Variants in CCT4 observed in about 807,000 individuals in gnomAD.
CCT4 encodes chaperonin containing TCP1 subunit 4.
In CCT4, 17 loss-of-function variants were observed where a neutral mutation model predicts 62.5. The ratio of observed to expected loss-of-function variants is 0.27; its 90% confidence interval spans 0.19 to 0.41. The LOEUF is 0.41. Among genes scored for constraint, CCT4 ranks in the 10% least tolerant of loss-of-function variants. The pLI, the probability that CCT4 is intolerant of heterozygous loss-of-function variation, is 1.00. For missense variants in CCT4, 592 were observed against 659.2 expected (o/e 0.90, Z 1.12); for synonymous variants, 250 against 229.9 (o/e 1.09, Z -0.79).
intron 1 of CCT4, among the ~76,000 whole-genome samples, chr2:61,887,160 A>C (rs1320138969): frequency 1.3e-5 from 2 of 152,196 alleles, no homozygotes; most frequent in Non-Finnish European, 2.9e-5. Context: ...CAGGTGTATT[A>C]TCTCCTAAAC....
chr2:61,872,452 CA>C lies in CCT4; in HGVS notation c.1256+5del. On this transcript the variant is annotated splice_donor_5th_base_variant and intron_variant, in intron 11 of 13. Transcript: ENST00000394440. ...ATGTTACTTAATAATGTAACACTGA[CA>C]TTACCTCTTCTTCACTAAACAACGA... The C allele has an allele frequency of 6.2e-7, 1 of 1,608,052 alleles. No individual in the cohort carries two copies. The highest frequency in any genetic ancestry group is 1.1e-5 in the South Asian group (1 of 90,098).
chr2:61,873,148 T>G, intron 9 of CCT4, 36 bp from the exon 10 acceptor site: 4 of 1,469,988 alleles, frequency 2.7e-6, no homozygotes, highest in Non-Finnish European at 3.8e-6. Context: ...ATTAAGACAT[T>G]TATCTAATTA....
chr2:61,879,079 A>G lies in CCT4; in HGVS notation c.380-68T>C, dbSNP rs955549466. 1.4e-5 allele frequency: 17 copies of G among 1,211,704 alleles called. No homozygotes were observed. The Admixed American group carries it at 2.0e-4, about 14-fold the overall frequency. The allele number at this position is 1,211,704 out of a possible 1,614,324, so 75.1% of individuals were successfully genotyped here. On this transcript the variant is annotated intron_variant, in intron 4 of 13. Coordinates refer to ENST00000394440, the MANE Select transcript of CCT4 (RefSeq NM_006430.4). The stretch of plus-strand genomic sequence containing the variant: ...ACTACACATTTGACATGGCTTAAAA[A>G]TTTTCTACTCAATGTCAAAGCAAGC...
intron 3 of CCT4, among the ~76,000 whole-genome samples, chr2:61,881,965 C>A (rs1182669707): frequency 6.7e-6 from 1 of 148,626 alleles, no homozygotes; most frequent in Non-Finnish European, 1.5e-5. Flanking sequence ...CGGAGTCTTA[C>A]TCTGTCACCC....
intron 10 of CCT4, 48 bp from the exon 11 acceptor site, chr2:61,872,636 C>T: frequency 6.2e-7 from 1 of 1,605,232 alleles, no homozygotes. Flanking sequence ...TCAAAAAAAC[C>T]CCACACCCAG....
At chr2:61,878,514 A>G (rs980479745) in intron 5 of CCT4, among the ~76,000 whole-genome samples, 2 of 152,350 alleles carry the variant, frequency 1.3e-5, no homozygotes, top group African/African-American at 4.8e-5. Context: ...TGCCCACCAT[A>G]TTAAATATTC....
intron 12 of CCT4, 131 bp downstream of exon 12, chr2:61,871,951 A>G: frequency 4.8e-6 from 3 of 625,128 alleles, no homozygotes; most frequent in Non-Finnish European, 8.2e-6. Context: ...ATTAATTAAC[A>G]TGCAGCAGGC....
intron 3 of CCT4, among the ~76,000 whole-genome samples, chr2:61,880,810 ATCC>A (rs1461381541): frequency 1.3e-5 from 2 of 152,058 alleles, no homozygotes; most frequent in Non-Finnish European, 2.9e-5. Flanking sequence ...GGCTCAAGAG[ATCC>A]TCCTGTCTCA....
At chr2:61,869,801 T>C (rs1668846896) in intron 12 of CCT4, among the ~76,000 whole-genome samples, 1 of 151,714 alleles carries the variant, frequency 6.6e-6, no homozygotes, top group Admixed American at 6.6e-5. Flanking sequence ...GCCCGGCTAA[T>C]TTTTTGTATT....
At chr2:61,871,577 C>A (rs1668884882) in intron 12 of CCT4, among the ~76,000 whole-genome samples, 1 of 152,212 alleles carries the variant, frequency 6.6e-6, no homozygotes, top group Admixed American at 6.5e-5. Flanking sequence ...TAAAGTTGGA[C>A]TGTCAGTTCT....
chr2:61,882,089 C>G (rs145715770), intron 3 of CCT4, among the ~76,000 whole-genome samples: 2 of 151,942 alleles, frequency 1.3e-5, no homozygotes, highest in African/African-American at 4.8e-5. Flanking sequence ...TGCACCACCA[C>G]GCCCAGCTGA....
Position 61,883,476 on chromosome 2 carries a change from G to T in CCT4, c.253C>A (p.His85Asn). ...ATILKQMQVL[H>N]PAARMLVELS... ...ACACTTACCATTCTGGCTGCTGGAT[G>T]TAATACTTGCATTTGTTTCAGAATG... The change falls in exon 3 of 14, where the codon CAT (histidine) becomes AAT (asparagine). Residue 85 changes from histidine (H) to asparagine (N), a missense_variant. Physicochemically the swap from His to Asn is moderately conservative, Grantham distance 68 (BLOSUM62 1). Coordinates refer to ENST00000394440, the MANE Select transcript of CCT4 (RefSeq NM_006430.4). 4 of 1,508,558 alleles carry T rather than the reference G, an allele frequency of 2.7e-6. No homozygotes were observed. Among genetic ancestry groups the T allele is most frequent in the Non-Finnish European group, 3.7e-6 (4 of 1,093,776 alleles). 93.4% of individuals were successfully genotyped at this position (1,508,558 alleles called of 1,614,324 possible).
At chr2:61,885,179 C>G in intron 1 of CCT4, 107 bp from the exon 2 acceptor site, 2 of 694,224 alleles carry the variant, frequency 2.9e-6, no homozygotes, top group Non-Finnish European at 4.4e-6. Context: ...TGGGCTCAAG[C>G]AACCCTCCCA....
rs570376593 is a variant in CCT4, at chr2:61,888,238, A to C, written c.127+143T>G. The C allele has an allele frequency of 5.9e-5, 57 of 972,610 alleles. No individual in the cohort carries two copies. In the Admixed American group the frequency reaches 1.3e-3, roughly 22 times the overall value. 60.2% of individuals were successfully genotyped at this position (972,610 alleles called of 1,614,324 possible). A position where few individuals can be genotyped will look rare whatever the true frequency, so the allele number is the denominator to read the frequency against. On this transcript the variant is annotated intron_variant, in intron 1 of 13. Transcript: ENST00000394440. Reference sequence around the variant, plus strand: ...CATCGGCAGAAAAACAGAAATAAGGATCCCTCCACTGGGCTGCTTCTATAG... The same window carrying C: ...CATCGGCAGAAAAACAGAAATAAGGCTCCCTCCACTGGGCTGCTTCTATAG...
At position 61,875,587 on chromosome 2, in the gene CCT4, A is replaced by T. The variant is rs930728734; in HGVS notation, c.917+508T>A. On this transcript the variant is annotated intron_variant, in intron 8 of 13. Transcript: ENST00000394440. Reference sequence around the variant, plus strand: ...GACAGAGTGAGACTCTGTCTCAAAAAAAAAAAAAAAAAAATTAAAAAAAAT... The same window carrying T: ...GACAGAGTGAGACTCTGTCTCAAAATAAAAAAAAAAAAAATTAAAAAAAAT... Among the ~76,000 whole-genome samples the T allele has an allele frequency of 1.8e-3, 273 of 151,546 alleles. 2 individuals carry two copies. Among genetic ancestry groups the T allele is most frequent in the Non-Finnish European group, 3.1e-3 (211 of 67,852 alleles).
rs1011732634 is a variant in CCT4, at chr2:61,884,560, C to T, written c.180+460G>A. On this transcript the variant is annotated intron_variant, in intron 2 of 13. Transcript: ENST00000394440. The stretch of plus-strand genomic sequence containing the variant: ...TCTTGACCTTGTGATCCACCCGTCT[C>T]GGCCTCCCAAAGTGCTGGAATTACA... Among the ~76,000 whole-genome samples, 14 of 152,030 alleles carry T rather than the reference C, an allele frequency of 9.2e-5. No homozygotes were observed. The South Asian group carries it at 1.9e-3, about 20-fold the overall frequency.
chr2:61,872,061 C>T, intron 12 of CCT4, 21 bp downstream of exon 12: 1 of 1,468,076 alleles, frequency 6.8e-7, no homozygotes, highest in Non-Finnish European at 9.5e-7. Flanking sequence ...ATATTTTCTA[C>T]ATTAGAGATT....
chr2:61,874,655 A>G (rs934504366), intron 8 of CCT4, among the ~76,000 whole-genome samples: 2 of 152,198 alleles, frequency 1.3e-5, no homozygotes, highest in Non-Finnish European at 2.9e-5. Context: ...CAAACTTCAG[A>G]GAATTCTTTT....
Position 61,872,492 on chromosome 2 carries a change from C to T in CCT4, c.1222G>A (p.Ala408Thr). Reference sequence around the variant, plus strand: ...ACTAAACAACGAATAACACATAGGGCATCATGAATGGAGCGCTCAGCTTCT... The same window carrying T: ...ACTAAACAACGAATAACACATAGGGTATCATGAATGGAGCGCTCAGCTTCT... ...IEEAERSIHDALCVIRCLVKK... is the reference protein window; with the variant it reads ...IEEAERSIHDTLCVIRCLVKK... Residue 408 changes from alanine (A) to threonine (T), a missense_variant, in exon 11 of 14, where the codon GCC (alanine) becomes ACC (threonine). Transcript: ENST00000394440. 6.2e-7 allele frequency: 1 copy of T among 1,613,880 alleles called. No individual in the cohort carries two copies. Among genetic ancestry groups the T allele is most frequent in the Non-Finnish European group, 8.5e-7 (1 of 1,179,760 alleles).
Sources: gnomAD v4.1 joint callset for allele counts (sites outside exome capture counted in the v4.1 genomes callset) on GRCh38, gnomAD v4.1.1 for gene constraint, MANE v1.5 for transcripts, NCBI Gene and HGNC (gene_info 2026-07-23, HGNC 2026-07-21) for gene names.